Variants in UXS1 observed in about 807,000 individuals in gnomAD.
The protein encoded by UXS1 is UDP-glucuronic acid decarboxylase 1.
Under a neutral mutation model 62.6 loss-of-function variants are expected in UXS1, and 33 were observed. The observed-to-expected ratio is 0.53, with a 90% CI of 0.40 to 0.70. UXS1 has a LOEUF of 0.70. Among genes scored for constraint, UXS1 ranks in the 30% least tolerant of loss-of-function variants. The pLI is 0.00. For missense variants in UXS1, 434 were observed against 556.3 expected (o/e 0.78, Z 2.21); for synonymous variants, 213 against 206.8 (o/e 1.03, Z -0.26).
chr2:106,182,225 C>T (rs910471805), intron 1 of UXS1, among the ~76,000 whole-genome samples: 3 of 152,160 alleles, frequency 2.0e-5, no homozygotes, highest in Admixed American at 1.3e-4. Flanking sequence ...CCACATATAA[C>T]GCTAACAATA....
At chr2:106,175,659 C>T (rs1397305834) in intron 1 of UXS1, among the ~76,000 whole-genome samples, 1 of 152,160 alleles carries the variant, frequency 6.6e-6, no homozygotes, top group Non-Finnish European at 1.5e-5. Flanking sequence ...TGAAGTCTGA[C>T]CACGTGAGGC....
chr2:106,157,618 C>T lies in UXS1; in HGVS notation c.291+440G>A, dbSNP rs375391809. ...GATAGCCTCAAGGTGGAAACAACTC[C>T]AAATACCCATCAATTGAGAAACAGG... On this transcript the variant is annotated intron_variant, in intron 5 of 14. Coordinates refer to ENST00000283148, the MANE Select transcript of UXS1 (RefSeq NM_001253875.2). Among the ~76,000 whole-genome samples the T allele has an allele frequency of 5.9e-5, 9 of 152,292 alleles. No individual in the cohort carries two copies. The East Asian group carries it at 1.4e-3, about 23-fold the overall frequency.
chr2:106,128,703 C>T (rs185393454), intron 7 of UXS1, among the ~76,000 whole-genome samples: 2 of 152,288 alleles, frequency 1.3e-5, no homozygotes, highest in Non-Finnish European at 1.5e-5. Flanking sequence ...GCCAATCTCT[C>T]GTAACAAATC....
rs773191044 is a variant in UXS1 at position 106,129,821 on chromosome 2, C to CA, written c.473-44dup. On this transcript the variant is annotated intron_variant, in intron 6 of 14. Coordinates refer to ENST00000283148, the MANE Select transcript of UXS1 (RefSeq NM_001253875.2). ...GAAGCCTATTACTTCAAAAAAGCAC[C>CA]AAAAAAATACTGACCTCCTAGGATA... 40 of 1,305,084 alleles carry CA rather than the reference C, an allele frequency of 3.1e-5. No individual in the cohort carries two copies. In the Admixed American group the frequency reaches 7.9e-4, roughly 26 times the overall value. The allele number at this position is 1,305,084 out of a possible 1,614,324, so 80.8% of individuals were successfully genotyped here. A position where few individuals can be genotyped will look rare whatever the true frequency, so the allele number is the denominator to read the frequency against.
intron 10 of UXS1, among the ~76,000 whole-genome samples, chr2:106,106,757 G>T (rs1678106372): frequency 2.0e-5 from 3 of 152,186 alleles, no homozygotes; most frequent in Non-Finnish European, 4.4e-5. Flanking sequence ...GAGTTGGTAG[G>T]ACAGGAGGTC....
intron 8 of UXS1, among the ~76,000 whole-genome samples, chr2:106,124,163 AT>A (rs2104927955): frequency 6.6e-6 from 1 of 152,360 alleles, no homozygotes; most frequent in African/African-American, 2.4e-5. Context: ...GAAAGGAACC[AT>A]TGACTTAAAT....
rs187547062 is a variant in UXS1 at position 106,185,409 on chromosome 2, C to T, written c.94+8739G>A. ...ACCACGTGTGTGTGCTTTTCCCATA[C>T]TACCAACCAATTCTCCCACTCTCTA... On this transcript the variant is annotated intron_variant, in intron 1 of 14. Coordinates refer to ENST00000283148, the MANE Select transcript of UXS1 (RefSeq NM_001253875.2). Among the ~76,000 whole-genome samples, 323 of 152,328 alleles carry T rather than the reference C, an allele frequency of 2.1e-3. 5 individuals carry two copies. Among genetic ancestry groups the T allele is most frequent in the East Asian group, 0.012 (61 of 5,182 alleles).
chr2:106,105,753 C>T (rs889502328), intron 10 of UXS1, among the ~76,000 whole-genome samples: 4 of 152,226 alleles, frequency 2.6e-5, no homozygotes, highest in Admixed American at 6.5e-5. Flanking sequence ...CTCACTGAGG[C>T]GGAGACGGCA....
At chr2:106,100,182 C>A (rs1677476864) in intron 12 of UXS1, among the ~76,000 whole-genome samples, 2 of 152,152 alleles carry the variant, frequency 1.3e-5, no homozygotes, top group Admixed American at 1.3e-4. Flanking sequence ...CTGCCATCAA[C>A]AGAAGCAGAA....
chr2:106,182,501 G>C (rs7592129), intron 1 of UXS1, among the ~76,000 whole-genome samples: 55,790 of 152,064 alleles, frequency 0.37, 10,480 homozygotes, highest in East Asian at 0.58. Flanking sequence ...TTTCAAATGG[G>C]AGCTTAAAAA....
chr2:106,099,489 GGA>G (rs1677404877), intron 12 of UXS1, among the ~76,000 whole-genome samples: 1 of 152,122 alleles, frequency 6.6e-6, no homozygotes, highest in South Asian at 2.1e-4. Context: ...AAATGTGGAG[GGA>G]GAGACCCTGG....
At chr2:106,110,348 C>A (rs1271064931) in intron 10 of UXS1, among the ~76,000 whole-genome samples, 1 of 152,162 alleles carries the variant, frequency 6.6e-6, no homozygotes, top group Non-Finnish European at 1.5e-5. Flanking sequence ...ACAATGCATG[C>A]ATTCTTGGGG....
At chr2:106,097,254 C>G (rs1346096646) in intron 13 of UXS1, 2 of 455,102 alleles carry the variant, frequency 4.4e-6, no homozygotes, top group South Asian at 3.1e-5. Context: ...CCTGGGTGCT[C>G]GGAGCCTAGA....
intron 10 of UXS1, among the ~76,000 whole-genome samples, chr2:106,105,650 T>C (rs1677996447): frequency 6.6e-6 from 1 of 152,148 alleles, no homozygotes. Flanking sequence ...CGAACCCCCT[T>C]TGCCCTGCTG....
chr2:106,098,855 G>A (rs2104831717), intron 12 of UXS1, 82 bp from the exon 13 acceptor site: 1 of 1,310,160 alleles, frequency 7.6e-7, no homozygotes, highest in Admixed American at 1.9e-5. Context: ...TGTCTGCAGA[G>A]ACGTCTACTG....
intron 10 of UXS1, among the ~76,000 whole-genome samples, chr2:106,107,425 C>T (rs1678178358): frequency 6.6e-6 from 1 of 152,250 alleles, no homozygotes. Context: ...CATGGAAGAG[C>T]ACAGTGGCAG....
intron 1 of UXS1, among the ~76,000 whole-genome samples, chr2:106,190,042 T>C (rs1234443955): frequency 2.6e-5 from 4 of 152,140 alleles, no homozygotes; most frequent in African/African-American, 9.7e-5. Flanking sequence ...GGGGCCCTTC[T>C]TCAGGAAGGG....
intron 9 of UXS1, among the ~76,000 whole-genome samples, chr2:106,120,311 G>T (rs1679419239): frequency 6.6e-6 from 1 of 152,176 alleles, no homozygotes; most frequent in Non-Finnish European, 1.5e-5. Flanking sequence ...TCCTCATCAG[G>T]AAACTACAAC....
chr2:106,150,638 A>C (rs1681932150), intron 5 of UXS1, among the ~76,000 whole-genome samples: 1 of 152,268 alleles, frequency 6.6e-6, no homozygotes, highest in African/African-American at 2.4e-5. Flanking sequence ...TGCAAGAGCC[A>C]TGAGAACATG....
Sources: gnomAD v4.1 joint callset for allele counts (sites outside exome capture counted in the v4.1 genomes callset) on GRCh38, gnomAD v4.1.1 for gene constraint, MANE v1.5 for transcripts, NCBI Gene and HGNC (gene_info 2026-07-23, HGNC 2026-07-21) for gene names.